The following RNF121 variants were observed in gnomAD, a reference collection of about 807,000 sequenced individuals.
RNF121 encodes the protein ring finger protein 121.
RNF121 carries 21 observed loss-of-function variants against 46.5 expected under a neutral mutation model. That is an observed-to-expected ratio of 0.45 (90% CI 0.32 to 0.65). RNF121 has a LOEUF of 0.65. Ranked by LOEUF, RNF121 falls within the 30% of genes least tolerant of loss-of-function variation. The probability of loss-of-function intolerance (pLI) is 0.04; values close to 1 mark genes in which losing one functional copy is unlikely to be tolerated. For missense variants in RNF121, 346 were observed against 416.0 expected (o/e 0.83, Z 1.46); for synonymous variants, 139 against 144.7 (o/e 0.96, Z 0.28).
At chr11:71,959,274 T>C (rs1237218723) in intron 2 of RNF121, among the ~76,000 whole-genome samples, 1 of 152,174 alleles carries the variant, frequency 6.6e-6, no homozygotes, top group Non-Finnish European at 1.5e-5. Flanking sequence ...TTTTCCCCCC[T>C]TACATTTTGT....
At chr11:71,931,820 A>G (rs182088922) in intron 1 of RNF121, among the ~76,000 whole-genome samples, 2 of 152,328 alleles carry the variant, frequency 1.3e-5, no homozygotes, top group East Asian at 1.9e-4. Flanking sequence ...AGTGGTTTAC[A>G]TGTGGCATTA....
At chr11:71,966,161 A>G (rs565976935) in intron 3 of RNF121, among the ~76,000 whole-genome samples, 1 of 152,314 alleles carries the variant, frequency 6.6e-6, no homozygotes, top group South Asian at 2.1e-4. Context: ...CTGGGATTAC[A>G]GGCGTGCGCC....
At chr11:71,973,912 A>G (rs1954473159) in intron 3 of RNF121, among the ~76,000 whole-genome samples, 1 of 152,210 alleles carries the variant, frequency 6.6e-6, no homozygotes, top group South Asian at 2.1e-4. Context: ...TGAAAAATAC[A>G]AAAAACAAAA....
At chr11:71,984,990 C>T (rs918313354) in intron 4 of RNF121, among the ~76,000 whole-genome samples, 2 of 152,254 alleles carry the variant, frequency 1.3e-5, no homozygotes, top group Admixed American at 6.5e-5. Context: ...GCCATGATCA[C>T]AACTCACTGC....
chr11:71,949,351 G>A lies in RNF121; in HGVS notation c.64-7876G>A, dbSNP rs542205068. ...GAGGATTGCTTAGGCCTGGAAAGTC[G>A]ACACTGCAGTGATCTGTGATTGCAC... On this transcript the variant is annotated intron_variant, in intron 1 of 8. Transcript: ENST00000361756. Among the ~76,000 whole-genome samples, 7 of 151,924 alleles carry A rather than the reference G, an allele frequency of 4.6e-5. No homozygotes were observed. The South Asian group carries it at 1.3e-3, about 27-fold the overall frequency.
rs1359421612 is a variant in RNF121, at chr11:71,969,868, A to G, written c.243+8977A>G. The stretch of plus-strand genomic sequence containing the variant: ...AGGCATGAGCCACCGTGCCAAGCCA[A>G]AACCACATTTTAAAAAGCAAGGGAA... On this transcript the variant is annotated intron_variant, in intron 3 of 8. Transcript: ENST00000361756. Among the ~76,000 whole-genome samples the G allele has an allele frequency of 2.0e-5, 3 of 152,208 alleles. No homozygotes were observed. The East Asian group carries it at 5.8e-4, about 29-fold the overall frequency.
rs560300157 is a variant in RNF121 at position 71,997,439 on chromosome 11, C to T, written c.*1124C>T. On this transcript the variant is annotated 3_prime_UTR_variant, in exon 9 of 9. Transcript: ENST00000361756. ...GGAAGGCCCCAGCCCTAGTCCTAGG[C>T]GACTTGAATAAAGTGGGAGGTCAAA... is the stretch of plus-strand genomic sequence containing the variant. 3 of 152,248 alleles carry T rather than the reference C, an allele frequency of 2.0e-5. No homozygotes were observed. The highest frequency in any genetic ancestry group is 4.4e-5 in the Non-Finnish European group (3 of 68,036). 9.4% of individuals were successfully genotyped at this position (152,248 alleles called of 1,614,324 possible).
chr11:71,929,078 A>C lies in RNF121; in HGVS notation c.17A>C (p.Glu6Ala). 5.2e-6 allele frequency: 8 copies of C among 1,551,312 alleles called. No individual in the cohort carries two copies. Among genetic ancestry groups the C allele is most frequent in the Non-Finnish European group, 7.0e-6 (8 of 1,146,970 alleles). MAAVV[E>A]VEVGGGAAGE... Reference sequence around the variant, plus strand: ...GCCGTGAAGATGGCGGCAGTGGTGGAGGTGGAGGTTGGAGGTGGTGCTGCT... The same window carrying C: ...GCCGTGAAGATGGCGGCAGTGGTGGCGGTGGAGGTTGGAGGTGGTGCTGCT... The change falls in exon 1 of 9, where the codon GAG (glutamate) becomes GCG (alanine). Residue 6 changes from glutamate to alanine, a missense_variant. Physicochemically the swap from Glu to Ala is moderately radical, Grantham distance 107 (BLOSUM62 -1). Around this residue, in one of 2 missense-constraint regions of RNF121, gnomAD observed 60 missense variants for 32.2 expected, o/e 1.86. Coordinates refer to ENST00000361756, the MANE Select transcript of RNF121 (RefSeq NM_018320.5).
chr11:71,945,610 T>G lies in RNF121; in HGVS notation c.64-11617T>G, dbSNP rs578031164. 2.0e-5 allele frequency among the ~76,000 whole-genome samples: 3 copies of G among 152,342 alleles called. No individual in the cohort carries two copies. The East Asian group carries it at 5.8e-4, about 29-fold the overall frequency. Reference sequence around the variant, plus strand: ...TTATTTAACATCTGTCTGTCATTTATTGAACACATACAGTATACCAGATTA... The same window carrying G: ...TTATTTAACATCTGTCTGTCATTTAGTGAACACATACAGTATACCAGATTA... On this transcript the variant is annotated intron_variant, in intron 1 of 8. Coordinates refer to ENST00000361756, the MANE Select transcript of RNF121 (RefSeq NM_018320.5).
chr11:71,930,083 GAGA>G (rs1360823917), intron 1 of RNF121, among the ~76,000 whole-genome samples: 1 of 152,224 alleles, frequency 6.6e-6, no homozygotes, highest in Non-Finnish European at 1.5e-5. Context: ...TAGGAGGAAG[GAGA>G]TGTTGAGTGT....
rs1954977863 is a variant in RNF121, at chr11:71,996,376, C to G, written c.*61C>G. 21 of 1,587,778 alleles carry G rather than the reference C, an allele frequency of 1.3e-5. No individual in the cohort carries two copies. In the South Asian group the frequency reaches 2.4e-4, roughly 18 times the overall value. On this transcript the variant is annotated 3_prime_UTR_variant, in exon 9 of 9. Coordinates refer to ENST00000361756, the MANE Select transcript of RNF121 (RefSeq NM_018320.5). ...GCCATGGACCTCAGGGCACTCTCCT[C>G]CCTGCCCACAAAGACCTCCTGGGTG... is the stretch of plus-strand genomic sequence containing the variant.
chr11:71,952,760 A>G (rs1052841460), intron 1 of RNF121, among the ~76,000 whole-genome samples: 4 of 152,170 alleles, frequency 2.6e-5, no homozygotes, highest in Non-Finnish European at 5.9e-5. Flanking sequence ...GTGAGCTGAC[A>G]TCGTGCCACT....
chr11:71,962,343 G>C (rs900572508), intron 3 of RNF121: 2 of 936,966 alleles, frequency 2.1e-6, no homozygotes, highest in African/African-American at 3.6e-5. Context: ...TTTTCCTTAA[G>C]TGTGGAATCC....
At chr11:71,989,770 A>AT (rs1474236058) in intron 5 of RNF121, among the ~76,000 whole-genome samples, 4 of 152,310 alleles carry the variant, frequency 2.6e-5, no homozygotes, top group African/African-American at 9.6e-5. Flanking sequence ...TTTAACTTTG[A>AT]TGATATGATA....
chr11:71,982,949 T>C lies in RNF121; in HGVS notation c.398+34T>C, dbSNP rs779191955. On this transcript the variant is annotated intron_variant, in intron 4 of 8. Transcript: ENST00000361756. Reference sequence around the variant, plus strand: ...TTAAGTAGTGGGAAGAGCCCAGGTTTTCCGAAGCTAATGGGTTGGAATGCA... The same window carrying C: ...TTAAGTAGTGGGAAGAGCCCAGGTTCTCCGAAGCTAATGGGTTGGAATGCA... 4 of 1,561,940 alleles carry C rather than the reference T, an allele frequency of 2.6e-6. No homozygotes were observed. The African/African-American group carries it at 5.5e-5, about 22-fold the overall frequency.
At chr11:71,942,785 T>TATATATATATATAG (rs1445316481) in intron 1 of RNF121, among the ~76,000 whole-genome samples, 1 of 9,354 alleles carries the variant, frequency 1.1e-4, no homozygotes, top group East Asian at 8.5e-4. Flanking sequence ...TATATATATA[T>TATATATATATATAG]ATATAGATAT....
intron 1 of RNF121, among the ~76,000 whole-genome samples, chr11:71,930,445 G>C (rs1483216603): frequency 2.6e-5 from 4 of 152,138 alleles, no homozygotes; most frequent in Non-Finnish European, 5.9e-5. Flanking sequence ...ACCTGATTGG[G>C]ATCATTAAGG....
At chr11:71,940,018 G>A (rs565610685) in intron 1 of RNF121, among the ~76,000 whole-genome samples, 1 of 152,326 alleles carries the variant, frequency 6.6e-6, no homozygotes, top group South Asian at 2.1e-4. Context: ...GAAGACTTCC[G>A]ATAGGGTATG....
chr11:71,938,235 G>C (rs1207920731), intron 1 of RNF121, among the ~76,000 whole-genome samples: 1 of 151,098 alleles, frequency 6.6e-6, no homozygotes, highest in Non-Finnish European at 1.5e-5. Context: ...TCCTATTTTA[G>C]TAACAGGAAT....
Sources: gnomAD v4.1 joint callset for allele counts (sites outside exome capture counted in the v4.1 genomes callset) on GRCh38, gnomAD v4.1.1 for gene constraint, gnomAD v4.1.1 regional missense constraint, MANE v1.5 for transcripts, NCBI Gene and HGNC (gene_info 2026-07-23, HGNC 2026-07-21) for gene names.